The following BLTP1 variants were observed in gnomAD, a reference collection of about 807,000 sequenced individuals.
The protein encoded by BLTP1 is bridge-like lipid transfer protein family member 1.
chr4:122,345,961 T>A, the BLTP1 span: 1 of 949,078 alleles, frequency 1.1e-6, no homozygotes, highest in East Asian at 1.2e-4. Context: ...AGCCATTAAC[T>A]TAGAAAATAA....
At chr4:122,344,417 C>G in the BLTP1 span, 1 of 1,613,682 alleles carries the variant, frequency 6.2e-7, no homozygotes, top group Middle Eastern at 1.7e-4. Context: ...AGTCACTGGT[C>G]GAAAAGATTC....
chr4:122,204,214 G>C, the BLTP1 span, among the ~76,000 whole-genome samples: 1 of 151,872 alleles, frequency 6.6e-6, no homozygotes, highest in African/African-American at 2.4e-5. Flanking sequence ...AGTGCAAAAT[G>C]CAAGTGTGAA....
chr4:122,354,759 T>C, the BLTP1 span, among the ~76,000 whole-genome samples: 9 of 151,450 alleles, frequency 5.9e-5, no homozygotes, highest in African/African-American at 2.2e-4. Flanking sequence ...CTCCATTTCC[T>C]GGGTTCAAGC....
chr4:122,300,638 T>C, the BLTP1 span, among the ~76,000 whole-genome samples: 2 of 152,168 alleles, frequency 1.3e-5, no homozygotes, highest in Admixed American at 6.6e-5. Context: ...TAATTTCTCC[T>C]TCAAAACAAA....
At chr4:122,316,794 A>G in the BLTP1 span, 10 of 1,613,332 alleles carry the variant, frequency 6.2e-6, no homozygotes, top group South Asian at 2.2e-5. Context: ...TTAGAGGAAG[A>G]AAAATTATGA....
the BLTP1 span, chr4:122,237,477 G>C: frequency 1.1e-3 from 637 of 604,150 alleles, 16 homozygotes; most frequent in South Asian, 0.043. Flanking sequence ...TACAGTCCCT[G>C]TCAACATTGA....
the BLTP1 span, chr4:122,353,755 A>G: frequency 6.5e-7 from 1 of 1,534,626 alleles, no homozygotes; most frequent in Non-Finnish European, 8.8e-7. This position sits in a 1 kb window ranked among gnomAD's most constrained non-coding sequence, Gnocchi z 4.3. Flanking sequence ...GGCCACAATT[A>G]TCATCTTGAA....
At chr4:122,244,360 G>A in the BLTP1 span, among the ~76,000 whole-genome samples, 3 of 151,796 alleles carry the variant, frequency 2.0e-5, no homozygotes, top group Admixed American at 6.6e-5. Flanking sequence ...TGGAACCCGC[G>A]GATCAAAAAA....
At chr4:122,249,685 A>G in the BLTP1 span, 1 of 1,613,460 alleles carries the variant, frequency 6.2e-7, no homozygotes, top group Non-Finnish European at 8.5e-7. Flanking sequence ...CATAAAAGGC[A>G]AGCATTTTTT....
chr4:122,282,171 T>C, the BLTP1 span: 43 of 677,558 alleles, frequency 6.3e-5, no homozygotes, highest in South Asian at 2.5e-3. Context: ...CTGTATGGTT[T>C]TGTGACCCTT....
chr4:122,237,480 A>G, the BLTP1 span: 1 of 588,114 alleles, frequency 1.7e-6, no homozygotes, highest in Admixed American at 6.3e-5. Context: ...AGTCCCTGTC[A>G]ACATTGAACT....
the BLTP1 span, chr4:122,293,289 AATG>A: frequency 2.0e-6 from 1 of 507,672 alleles, no homozygotes; most frequent in Non-Finnish European, 2.5e-6. Context: ...GAGGAATGAA[AATG>A]GTGAGTGAAT....
the BLTP1 span, chr4:122,356,953 CTTTACAAAGTG>C: frequency 1.0e-6 from 1 of 983,332 alleles, no homozygotes; most frequent in Non-Finnish European, 1.2e-6. Context: ...GTGTTTTATA[CTTTACAAAGTG>C]TTTCTGTATA....
At chr4:122,274,506 A>G in the BLTP1 span, 3 of 1,548,608 alleles carry the variant, frequency 1.9e-6, no homozygotes, top group Non-Finnish European at 2.6e-6. Context: ...TTGGATAAAC[A>G]TGCTGAATTT....
chr4:122,342,013 A>G, the BLTP1 span, among the ~76,000 whole-genome samples: 23 of 152,212 alleles, frequency 1.5e-4, no homozygotes, highest in Non-Finnish European at 2.4e-4. Context: ...AGAAAGGTTT[A>G]GAGAGATAGG....
At chr4:122,264,512 G>A in the BLTP1 span, 1 of 1,279,006 alleles carries the variant, frequency 7.8e-7, no homozygotes, top group Non-Finnish European at 1.0e-6. Context: ...TACGCACCTT[G>A]GAATTCTAGT....
At chr4:122,232,510 G>A in the BLTP1 span, among the ~76,000 whole-genome samples, 1 of 152,118 alleles carries the variant, frequency 6.6e-6, no homozygotes. Context: ...GGGAGGCTGA[G>A]GCGGGAGAAT....
At chr4:122,349,355 G>T in the BLTP1 span, 1 of 1,583,158 alleles carries the variant, frequency 6.3e-7, no homozygotes, top group Non-Finnish European at 8.6e-7. This position sits in a 1 kb window ranked among gnomAD's most constrained non-coding sequence, Gnocchi z 4.5. Flanking sequence ...ATATCCTTAA[G>T]ATATATATAT....
the BLTP1 span, among the ~76,000 whole-genome samples, chr4:122,217,876 T>G: frequency 9.9e-5 from 15 of 152,096 alleles, no homozygotes; most frequent in African/African-American, 3.6e-4. Flanking sequence ...TAAAAATTAC[T>G]TTTTCTCTCT....
Sources: gnomAD v4.1 joint callset for allele counts (sites outside exome capture counted in the v4.1 genomes callset) on GRCh38, gnomAD v4.1.1 for gene constraint, Gnocchi (gnomAD v3.1) non-coding constraint, MANE v1.5 for transcripts, NCBI Gene and HGNC (gene_info 2026-07-23, HGNC 2026-07-21) for gene names.